Variants in LAP3 observed in about 807,000 individuals in gnomAD.
LAP3 encodes leucine aminopeptidase 3.
Under a neutral mutation model 58.8 loss-of-function variants are expected in LAP3, and 46 were observed. That is an observed-to-expected ratio of 0.78 (90% CI 0.62 to 1.00). The LOEUF is 1.00. Among genes scored for constraint, LAP3 ranks in the 50% least tolerant of loss-of-function variants. The pLI is 0.00. For missense variants in LAP3, 615 were observed against 659.1 expected (o/e 0.93, Z 0.73); for synonymous variants, 257 against 237.7 (o/e 1.08, Z -0.75).
chr4:17,591,944 T>C (rs1004106544), intron 7 of LAP3, among the ~76,000 whole-genome samples: 15 of 143,004 alleles, frequency 1.0e-4, no homozygotes, highest in Non-Finnish European at 1.1e-4. Context: ...AGTGGCCAGC[T>C]CAATGAGTTT....
chr4:17,582,514 A>G, intron 4 of LAP3, 121 bp downstream of exon 4: 4 of 712,726 alleles, frequency 5.6e-6, no homozygotes. Context: ...GAAATAATTC[A>G]TCTTAACAAA....
At position 17,607,627 on chromosome 4, in the gene LAP3, T is replaced by C; in HGVS notation, c.*38T>C. 6.9e-7 allele frequency: 1 copy of C among 1,455,114 alleles called. No homozygotes were observed. Among genetic ancestry groups the C allele is most frequent in the Non-Finnish European group, 9.3e-7 (1 of 1,079,124 alleles). The allele number at this position is 1,455,114 out of a possible 1,614,324, so 90.1% of individuals were successfully genotyped here. On this transcript the variant is annotated 3_prime_UTR_variant, in exon 13 of 13. Transcript: ENST00000226299. ...AAAATGTCTTCACTCTGTCTTAAATTGGACAGTTGAACTTAAAAGGTTTTT... is the reference window on the plus strand; with the variant it reads ...AAAATGTCTTCACTCTGTCTTAAATCGGACAGTTGAACTTAAAAGGTTTTT...
chr4:17,580,729 A>G (rs6449312), intron 2 of LAP3, among the ~76,000 whole-genome samples: 10,164 of 152,180 alleles, frequency 0.067, 1,104 homozygotes, highest in African/African-American at 0.23. Context: ...AAAATTTAAA[A>G]TATCTGTGAA....
intron 4 of LAP3, chr4:17,582,652 T>C (rs1423822482): frequency 3.1e-6 from 1 of 324,470 alleles, no homozygotes; most frequent in Non-Finnish European, 5.8e-6. Context: ...GCTCTTGTCA[T>C]ATTAGAGCTG....
intron 10 of LAP3, among the ~76,000 whole-genome samples, chr4:17,599,155 C>G (rs1713924813): frequency 1.3e-5 from 2 of 152,164 alleles, no homozygotes; most frequent in African/African-American, 4.8e-5. Flanking sequence ...TACAAGATTA[C>G]AGAAGTGAGC....
intron 1 of LAP3, among the ~76,000 whole-genome samples, chr4:17,578,692 A>G (rs189810928): frequency 6.6e-6 from 1 of 152,352 alleles, no homozygotes; most frequent in Non-Finnish European, 1.5e-5. Context: ...GCAAAAGTAA[A>G]TACTAAGTAT....
intron 6 of LAP3, 167 bp downstream of exon 6, chr4:17,585,303 C>G (rs1025344245): frequency 8.4e-5 from 47 of 559,402 alleles, no homozygotes; most frequent in Middle Eastern, 3.3e-4. Context: ...GTTTGAGGTT[C>G]TTTCTATCTT....
intron 2 of LAP3, among the ~76,000 whole-genome samples, chr4:17,580,568 TC>T (rs1713339197): frequency 6.6e-6 from 1 of 152,084 alleles, no homozygotes; most frequent in Admixed American, 6.6e-5. Flanking sequence ...AAATTCACTT[TC>T]CCCACCCTCT....
Position 17,577,565 on chromosome 4 carries a change from A to T in LAP3, c.100A>T (p.Lys34Ter). Residue 34 changes from lysine (K) to a stop codon, truncating the protein, a stop_gained and splice_region_variant, in exon 1 of 13, where the codon AAG (lysine) becomes TAG (stop). Transcript: ENST00000226299. LOFTEE classifies it high-confidence loss of function. ...GAGTCTCTCCACCGCAGACATGACG[A>T]AGGTGAGAGGCGGCGGCTCGCTCAT... is the stretch of plus-strand genomic sequence containing the variant. The part of the protein sequence containing the change: ...SRSLSTADMT[K>*]GLVLGIYSKE... The T allele has an allele frequency of 6.4e-7, 1 of 1,551,842 alleles. No homozygotes were observed. The highest frequency in any genetic ancestry group is 8.7e-7 in the Non-Finnish European group (1 of 1,148,688).
Position 17,588,939 on chromosome 4 carries a change from A to G in LAP3, c.825A>G (p.Pro275=). 6.2e-7 allele frequency: 1 copy of G among 1,611,866 alleles called. No homozygotes were observed. The highest frequency in any genetic ancestry group is 8.5e-7 in the Non-Finnish European group (1 of 1,179,596). ...AAGGCAGCCCCAATGCAAACGAACC[A>G]CCCCTGGTGTTTGTTGGGAAAGGAA... is the stretch of plus-strand genomic sequence containing the variant. ...HYKGSPNANE[P]PLVFVGKGIT... The change falls in exon 7 of 13, where the codon CCA becomes CCG. Residue 275 remains proline, a synonymous_variant. Transcript: ENST00000226299.
intron 7 of LAP3, 86 bp downstream of exon 7, chr4:17,589,063 ATTTTTT>A: frequency 9.3e-7 from 1 of 1,079,528 alleles, no homozygotes; most frequent in Non-Finnish European, 1.3e-6. Flanking sequence ...TTTTGGTTTG[ATTTTTT>A]TTTTTTTTTG....
At position 17,607,452 on chromosome 4, in the gene LAP3, C is replaced by T. The variant is rs776771582; in HGVS notation, c.1423C>T (p.Pro475Ser). 5.0e-6 allele frequency: 8 copies of T among 1,614,006 alleles called. No individual in the cohort carries two copies. In the South Asian group the frequency reaches 8.8e-5, roughly 18 times the overall value. ...AAFLKEFVTH[P>S]KWAHLDIAGV... ...ATTCCTGAAAGAATTCGTAACTCAT[C>T]CTAAGTGGGCACATTTAGACATAGC... The change falls in exon 13 of 13, where the codon CCT (proline) becomes TCT (serine). Residue 475 changes from proline to serine, a missense_variant. By Grantham distance (74) the Pro-to-Ser change is moderately conservative (BLOSUM62 -1). Transcript: ENST00000226299.
intron 7 of LAP3, among the ~76,000 whole-genome samples, chr4:17,592,541 G>A (rs1713712573): frequency 6.6e-6 from 1 of 152,186 alleles, no homozygotes; most frequent in Non-Finnish European, 1.5e-5. Flanking sequence ...GCCTTTGTGT[G>A]GACGTGTTTT....
At chr4:17,600,970 G>A (rs1332636666) in intron 10 of LAP3, among the ~76,000 whole-genome samples, 1 of 152,218 alleles carries the variant, frequency 6.6e-6, no homozygotes, top group Non-Finnish European at 1.5e-5. Flanking sequence ...GTACATCATA[G>A]ACACTGAAAC....
intron 10 of LAP3, among the ~76,000 whole-genome samples, chr4:17,603,245 T>A (rs1475485711): frequency 2.0e-5 from 3 of 151,340 alleles, no homozygotes; most frequent in Admixed American, 2.0e-4. Flanking sequence ...GAGGTGGAGG[T>A]TGCAGTGAGC....
chr4:17,595,589 G>A (rs1259804208), intron 8 of LAP3, 55 bp downstream of exon 8: 1 of 1,567,052 alleles, frequency 6.4e-7, no homozygotes, highest in Non-Finnish European at 8.8e-7. Flanking sequence ...AGCCAGGTGG[G>A]AGAAGAGAGA....
chr4:17,585,996 T>G (rs967133833), intron 6 of LAP3: 1 of 152,244 alleles, frequency 6.6e-6, no homozygotes, highest in African/African-American at 2.4e-5. Flanking sequence ...ATCATCACTT[T>G]TGGACACAAA....
chr4:17,587,315 CAGTGT>C (rs1362507250), intron 6 of LAP3, among the ~76,000 whole-genome samples: 1 of 152,148 alleles, frequency 6.6e-6, no homozygotes, highest in African/African-American at 2.4e-5. Context: ...CATTGTAGGT[CAGTGT>C]ATATCAGAGA....
intron 8 of LAP3, among the ~76,000 whole-genome samples, chr4:17,596,205 C>T (rs535173475): frequency 1.3e-5 from 2 of 152,192 alleles, no homozygotes; most frequent in African/African-American, 2.4e-5. Context: ...CATCACGACA[C>T]GTCCTCTAAG....
Sources: allele counts gnomAD v4.1 joint callset (sites outside exome capture counted in the v4.1 genomes callset), GRCh38; gene constraint gnomAD v4.1.1; transcripts MANE v1.5; gene names NCBI Gene and HGNC (gene_info 2026-07-23, HGNC 2026-07-21).